Variants in KCNIP4 observed in about 807,000 individuals in gnomAD.
KCNIP4 encodes potassium voltage-gated channel interacting protein 4, also known as Kv channel-interacting protein 4.
KCNIP4 carries 12 observed loss-of-function variants against 34.0 expected under a neutral mutation model. The ratio of observed to expected loss-of-function variants is 0.35; its 90% CI spans 0.23 to 0.57. KCNIP4 has a LOEUF of 0.57. KCNIP4 is among the 20% of genes least tolerant of loss of function. The probability of loss-of-function intolerance (pLI) is 0.83; values close to 1 mark genes in which losing one functional copy is unlikely to be tolerated. For missense variants in KCNIP4, 238 were observed against 311.7 expected (o/e 0.76, Z 1.78); for synonymous variants, 124 against 102.2 (o/e 1.21, Z -1.29).
At chr4:21,387,075 C>T (rs1293695675) in intron 1 of KCNIP4, among the ~76,000 whole-genome samples, 1 of 152,086 alleles carries the variant, frequency 6.6e-6, no homozygotes, top group East Asian at 1.9e-4. Context: ...TATTTCCATG[C>T]CTAGACTTAG....
At chr4:21,705,611 G>A (rs1713205969) in intron 1 of KCNIP4, among the ~76,000 whole-genome samples, 1 of 152,102 alleles carries the variant, frequency 6.6e-6, no homozygotes. Context: ...CAGGCAAAGG[G>A]ACACTGAGCA....
At chr4:21,649,243 C>A (rs936869941) in intron 1 of KCNIP4, among the ~76,000 whole-genome samples, 1 of 152,158 alleles carries the variant, frequency 6.6e-6, no homozygotes, top group Non-Finnish European at 1.5e-5. Flanking sequence ...TTATTACCAT[C>A]ATCTTTATAC....
intron 1 of KCNIP4, among the ~76,000 whole-genome samples, chr4:21,104,473 CT>C (rs1748291645): frequency 6.6e-6 from 1 of 151,942 alleles, no homozygotes; most frequent in African/African-American, 2.4e-5. Flanking sequence ...TGTTTAAGTT[CT>C]TTGTAGATTC....
intron 1 of KCNIP4, among the ~76,000 whole-genome samples, chr4:21,390,132 C>T (rs1722431631): frequency 1.3e-5 from 2 of 151,954 alleles, no homozygotes; most frequent in African/African-American, 4.8e-5. Flanking sequence ...ATCCTTTGCC[C>T]AATTTTTGAT....
Position 21,042,913 on chromosome 4 carries a change from A to C in KCNIP4, c.62-160204T>G, listed in dbSNP as rs187698316. 6.9e-4 allele frequency among the ~76,000 whole-genome samples: 105 copies of C among 152,318 alleles called. 1 individual carries two copies. Among genetic ancestry groups the C allele is most frequent in the Non-Finnish European group, 1.2e-3 (82 of 68,028 alleles). On this transcript the variant is annotated intron_variant, in intron 1 of 8. Coordinates refer to ENST00000382152, the MANE Select transcript of KCNIP4 (RefSeq NM_025221.6). ...TAAACATTATGCAACCAGACAGGGC[A>C]GAGGTAGATTTCTTTTAAAGGGGAG... is the stretch of plus-strand genomic sequence containing the variant.
intron 1 of KCNIP4, among the ~76,000 whole-genome samples, chr4:21,093,207 A>G (rs1242143954): frequency 6.6e-6 from 1 of 152,206 alleles, no homozygotes; most frequent in African/African-American, 2.4e-5. Flanking sequence ...ATAAAAGCAG[A>G]GACTACTAAA....
intron 1 of KCNIP4, among the ~76,000 whole-genome samples, chr4:21,375,714 C>G (rs1577258680): frequency 6.6e-6 from 1 of 151,966 alleles, no homozygotes; most frequent in South Asian, 2.1e-4. Flanking sequence ...CTACAGGCGC[C>G]TGCCACCACG....
chr4:21,060,599 G>A (rs1487795466), intron 1 of KCNIP4, among the ~76,000 whole-genome samples: 1 of 152,126 alleles, frequency 6.6e-6, no homozygotes, highest in Non-Finnish European at 1.5e-5. Context: ...ACCTGCTCCG[G>A]TTGCATATAA....
chr4:21,890,759 GTCTTTCC>G (rs1479830523), intron 1 of KCNIP4, among the ~76,000 whole-genome samples: 8 of 152,170 alleles, frequency 5.3e-5, no homozygotes, highest in African/African-American at 1.9e-4. Flanking sequence ...CTAGAGAACT[GTCTTTCC>G]TCTTGGGAAA....
At chr4:20,952,934 T>G (rs1434992202) in intron 1 of KCNIP4, among the ~76,000 whole-genome samples, 1 of 152,256 alleles carries the variant, frequency 6.6e-6, no homozygotes, top group African/African-American at 2.4e-5. Context: ...TGTCTTCCCA[T>G]GGTGGAGTGG....
intron 1 of KCNIP4, among the ~76,000 whole-genome samples, chr4:21,582,586 G>A (rs527349983): frequency 3.3e-5 from 5 of 151,954 alleles, no homozygotes; most frequent in African/African-American, 1.2e-4. Flanking sequence ...CAAAAAATAG[G>A]ATCAGAAATA....
At chr4:21,610,329 T>C (rs1363983303) in intron 1 of KCNIP4, among the ~76,000 whole-genome samples, 1 of 152,242 alleles carries the variant, frequency 6.6e-6, no homozygotes, top group Non-Finnish European at 1.5e-5. Flanking sequence ...TGAAGATGGC[T>C]AATCTTCACC....
chr4:21,664,946 A>C (rs190904806), intron 1 of KCNIP4, among the ~76,000 whole-genome samples: 1 of 152,314 alleles, frequency 6.6e-6, no homozygotes, highest in East Asian at 1.9e-4. Context: ...AGCCTAAAAA[A>C]TGAAAATGGC....
rs4303975 is a variant in KCNIP4, at chr4:21,147,888, A to C, written c.62-265179T>G. ...TGGGAAGCAGATGTTGCAGTGAGCCAAGATCACGCCACTACACTCCAGCCT... is the reference window on the plus strand; with the variant it reads ...TGGGAAGCAGATGTTGCAGTGAGCCCAGATCACGCCACTACACTCCAGCCT... On this transcript the variant is annotated intron_variant, in intron 1 of 8. Coordinates refer to ENST00000382152, the MANE Select transcript of KCNIP4 (RefSeq NM_025221.6). Among the ~76,000 whole-genome samples, 254 of 145,480 alleles carry C rather than the reference A, an allele frequency of 1.7e-3. 2 individuals are homozygous for C. The highest frequency in any genetic ancestry group is 6.1e-3 in the African/African-American group (235 of 38,476).
chr4:21,466,706 A>G (rs1413135558), intron 1 of KCNIP4, among the ~76,000 whole-genome samples: 1 of 152,142 alleles, frequency 6.6e-6, no homozygotes, highest in African/African-American at 2.4e-5. Flanking sequence ...CATCCCATTT[A>G]TACAAATGCC....
intron 1 of KCNIP4, among the ~76,000 whole-genome samples, chr4:20,999,719 T>C (rs1051938170): frequency 6.6e-6 from 1 of 152,054 alleles, no homozygotes; most frequent in South Asian, 2.1e-4. Flanking sequence ...TCTATAGATA[T>C]TGAAAACCAA....
intron 1 of KCNIP4, among the ~76,000 whole-genome samples, chr4:21,177,792 G>C (rs1415578452): frequency 7.9e-5 from 12 of 151,094 alleles, no homozygotes. Context: ...AGGTTGCAGT[G>C]AGCTGAGATC....
chr4:20,844,330 C>G (rs551275609), intron 3 of KCNIP4, among the ~76,000 whole-genome samples: 1 of 152,336 alleles, frequency 6.6e-6, no homozygotes, highest in African/African-American at 2.4e-5. Context: ...AGCATTTTAA[C>G]TCTGTTCTTA....
intron 1 of KCNIP4, among the ~76,000 whole-genome samples, chr4:21,621,287 T>C (rs1325946965): frequency 6.6e-6 from 1 of 152,194 alleles, no homozygotes; most frequent in East Asian, 1.9e-4. Context: ...TCTAGATCTC[T>C]CCAGTTGAAA....
Sources: gnomAD v4.1 joint callset for allele counts (sites outside exome capture counted in the v4.1 genomes callset) on GRCh38, gnomAD v4.1.1 for gene constraint, MANE v1.5 for transcripts, NCBI Gene and HGNC (gene_info 2026-07-23, HGNC 2026-07-21) for gene names.